The following SLC38A11 variants were observed in gnomAD, a reference collection of about 807,000 sequenced individuals.
SLC38A11 encodes solute carrier family 38 member 11.
Under a neutral mutation model 49.4 loss-of-function variants are expected in SLC38A11, and 51 were observed. The ratio of observed to expected loss-of-function variants is 1.03; its 90% CI spans 0.83 to 1.30. The LOEUF is 1.30. Ranked by LOEUF, SLC38A11 falls within the 50% of genes most tolerant of loss-of-function variation. The pLI is 0.00. For synonymous variants in SLC38A11, 203 were observed against 192.9 expected, an observed-to-expected ratio of 1.05 and a Z score of -0.43; for missense variants, 574 against 556.2, an observed-to-expected ratio of 1.03 and a Z score of -0.32.
chr2:164,909,156 AGTAGCT>A (rs1170808661), intron 10 of SLC38A11, among the ~76,000 whole-genome samples: 1 of 152,176 alleles, frequency 6.6e-6, no homozygotes, highest in African/African-American at 2.4e-5. Context: ...GCCTCTAAGA[AGTAGCT>A]GTCACATTTC....
intron 11 of SLC38A11, among the ~76,000 whole-genome samples, chr2:164,899,482 T>G (rs976136228): frequency 6.6e-6 from 1 of 152,136 alleles, no homozygotes; most frequent in Non-Finnish European, 1.5e-5. Flanking sequence ...GGAAGAGACT[T>G]TCCCCTTGAA....
chr2:164,895,267 T>C lies in SLC38A11; in HGVS notation c.*3170A>G, dbSNP rs1381994529. 6.6e-6 allele frequency among the ~76,000 whole-genome samples: 1 copy of C among 152,226 alleles called. No individual in the cohort carries two copies. The highest frequency in any genetic ancestry group is 1.5e-5 in the Non-Finnish European group (1 of 68,038). Reference sequence around the variant, plus strand: ...ATCTTGGCAAATTCTTTACACATTTTTTAGAATAAGCATACATTCTTAAAA... The same window carrying C: ...ATCTTGGCAAATTCTTTACACATTTCTTAGAATAAGCATACATTCTTAAAA... On this transcript the variant is annotated 3_prime_UTR_variant, in exon 12 of 12. Transcript: ENST00000685975.
intron 4 of SLC38A11, 95 bp downstream of exon 4, chr2:164,945,498 G>A (rs926718305): frequency 1.7e-6 from 2 of 1,190,298 alleles, no homozygotes; most frequent in Middle Eastern, 2.1e-4. Context: ...AACTGCTATA[G>A]TGATATTCTT....
intron 11 of SLC38A11, among the ~76,000 whole-genome samples, chr2:164,901,021 G>C (rs538249381): frequency 2.0e-5 from 3 of 152,052 alleles, no homozygotes; most frequent in African/African-American, 7.2e-5. Context: ...TTTTGCATTT[G>C]AGAATCCATT....
chr2:164,934,320 T>G (rs1271388447), intron 7 of SLC38A11, among the ~76,000 whole-genome samples: 1 of 152,080 alleles, frequency 6.6e-6, no homozygotes, highest in Non-Finnish European at 1.5e-5. Context: ...GTAACTAAAA[T>G]AACACAAAAT....
chr2:164,951,858 C>T (rs1436404272), intron 3 of SLC38A11, among the ~76,000 whole-genome samples: 1 of 152,084 alleles, frequency 6.6e-6, no homozygotes, highest in South Asian at 2.1e-4. Context: ...GCAAGGAGAC[C>T]CCCTGGAGGC....
chr2:164,926,632 G>A (rs909764372), intron 7 of SLC38A11, among the ~76,000 whole-genome samples: 7 of 152,048 alleles, frequency 4.6e-5, no homozygotes, highest in Non-Finnish European at 8.8e-5. Context: ...ATCAATGATA[G>A]ACTGGATTAA....
At chr2:164,901,171 A>G (rs1457796974) in intron 11 of SLC38A11, among the ~76,000 whole-genome samples, 1 of 152,052 alleles carries the variant, frequency 6.6e-6, no homozygotes, top group Non-Finnish European at 1.5e-5. Flanking sequence ...TTGTGTTTTT[A>G]TGCCAGTATC....
At chr2:164,943,350 G>T (rs1364779362) in intron 5 of SLC38A11, among the ~76,000 whole-genome samples, 1 of 152,164 alleles carries the variant, frequency 6.6e-6, no homozygotes, top group Non-Finnish European at 1.5e-5. Flanking sequence ...AAATGTCCCT[G>T]AACTGGGTGA....
At chr2:164,939,607 G>T in intron 5 of SLC38A11, 51 bp from the exon 6 acceptor site, 1 of 1,187,886 alleles carries the variant, frequency 8.4e-7, no homozygotes, top group Non-Finnish European at 1.2e-6. Flanking sequence ...TAACACATTG[G>T]TGACACACTA....
intron 3 of SLC38A11, among the ~76,000 whole-genome samples, chr2:164,949,289 C>T (rs1164637566): frequency 6.6e-6 from 1 of 151,874 alleles, no homozygotes; most frequent in Non-Finnish European, 1.5e-5. Context: ...CGCTCTGTTG[C>T]CCAGGCTGGA....
intron 5 of SLC38A11, among the ~76,000 whole-genome samples, chr2:164,942,338 G>A (rs1461484557): frequency 6.6e-6 from 1 of 151,468 alleles, no homozygotes; most frequent in Admixed American, 6.6e-5. Flanking sequence ...GGGAGGCTGA[G>A]GTGGGAGGAT....
chr2:164,904,724 C>A (rs1684879760), intron 11 of SLC38A11, among the ~76,000 whole-genome samples: 1 of 152,116 alleles, frequency 6.6e-6, no homozygotes, highest in Non-Finnish European at 1.5e-5. Context: ...TTTATTTCAT[C>A]TCCTGGTATG....
chr2:164,914,082 G>T (rs1001175309), intron 9 of SLC38A11, among the ~76,000 whole-genome samples: 19 of 152,016 alleles, frequency 1.2e-4, no homozygotes, highest in African/African-American at 3.4e-4. Flanking sequence ...GCAGAAAGAG[G>T]ATGGAAAGAA....
At chr2:164,914,576 A>G (rs2105461610) in intron 9 of SLC38A11, among the ~76,000 whole-genome samples, 1 of 152,038 alleles carries the variant, frequency 6.6e-6, no homozygotes, top group East Asian at 1.9e-4. Context: ...AGAGAAGAGA[A>G]AACAATATGC....
At position 164,916,944 on chromosome 2, in the gene SLC38A11, CTG is replaced by C. The variant is rs144913983; in HGVS notation, c.618-973_618-972del. Among the ~76,000 whole-genome samples the C allele has an allele frequency of 5.2e-3, 786 of 152,228 alleles. 5 individuals carry two copies. Among genetic ancestry groups the C allele is most frequent in the African/African-American group, 0.018 (761 of 41,552 alleles). ...GTGCTTCAATTTCAACATTTATAAA[CTG>C]GGGATAATTGTAGTATCTAACTCAT... On this transcript the variant is annotated intron_variant, in intron 7 of 11. Coordinates refer to ENST00000685975, the MANE Select transcript of SLC38A11 (RefSeq NM_001351537.2).
At position 164,898,580 on chromosome 2, in the gene SLC38A11, C is replaced by G; in HGVS notation, c.1246G>C (p.Ala416Pro). ...GTGCAGTCTTGAGTATTTGTAATAGCCATGACGAATCCAAAAACCATCACC... is the reference window on the plus strand; with the variant it reads ...GTGCAGTCTTGAGTATTTGTAATAGGCATGACGAATCCAAAAACCATCACC... ...AVVMVFGFVMAITNTQDCTHG... is the reference protein window; with the variant it reads ...AVVMVFGFVMPITNTQDCTHG... The change falls in exon 12 of 12, where the codon GCT becomes CCT. Residue 416 changes from alanine to proline, a missense_variant. Ala to Pro is a conservative substitution (Grantham distance 27, BLOSUM62 -1). Coordinates refer to ENST00000685975, the MANE Select transcript of SLC38A11 (RefSeq NM_001351537.2). The G allele has an allele frequency of 6.2e-7, 1 of 1,613,492 alleles. No individual in the cohort carries two copies. The highest frequency in any genetic ancestry group is 1.1e-5 in the South Asian group (1 of 91,060).
At chr2:164,930,807 T>C (rs1027850457) in intron 7 of SLC38A11, among the ~76,000 whole-genome samples, 1 of 152,062 alleles carries the variant, frequency 6.6e-6, no homozygotes, top group African/African-American at 2.4e-5. Context: ...TCATACTAAA[T>C]GGGCAAAGGC....
chr2:164,925,012 C>T (rs1376271935), intron 7 of SLC38A11, among the ~76,000 whole-genome samples: 1 of 152,174 alleles, frequency 6.6e-6, no homozygotes, highest in East Asian at 1.9e-4. Flanking sequence ...TCCCAAAGTG[C>T]TGGGATTACA....
Sources: gnomAD v4.1 joint callset for allele counts (sites outside exome capture counted in the v4.1 genomes callset) on GRCh38, gnomAD v4.1.1 for gene constraint, MANE v1.5 for transcripts, NCBI Gene and HGNC (gene_info 2026-07-23, HGNC 2026-07-21) for gene names.